Variants in PTPRD observed in about 807,000 individuals in gnomAD.
PTPRD encodes the protein receptor-type tyrosine-protein phosphatase delta.
A neutral mutation model predicts 214.5 loss-of-function variants in PTPRD; 34 were observed. The ratio of observed to expected loss-of-function variants is 0.16; its 90% confidence interval spans 0.12 to 0.21. The LOEUF (loss-of-function observed/expected upper bound fraction) is 0.21, where lower values mean the gene tolerates loss of function less well. Among genes scored for constraint, PTPRD ranks in the 10% least tolerant of loss-of-function variants. PTPRD has a pLI of 1.00. For missense variants in PTPRD, 2,545 were observed against 2,398.7 expected, an observed-to-expected ratio of 1.06 and a Z score of -1.27; for synonymous variants, 1,128 against 845.7, an observed-to-expected ratio of 1.33 and a Z score of -5.79.
At chr9:8,841,459 G>A (rs778735451) in intron 11 of PTPRD, among the ~76,000 whole-genome samples, 10 of 152,106 alleles carry the variant, frequency 6.6e-5, no homozygotes, top group South Asian at 2.1e-4. Flanking sequence ...ATGTTGTGTG[G>A]GGGAAGAGTG....
intron 3 of PTPRD, among the ~76,000 whole-genome samples, chr9:10,164,146 A>T (rs2154291552): frequency 6.6e-6 from 1 of 151,590 alleles, no homozygotes; most frequent in African/African-American, 2.4e-5. Flanking sequence ...TACCTGCACT[A>T]ATATTTAATA....
At chr9:9,810,414 C>A (rs940380201) in intron 5 of PTPRD, among the ~76,000 whole-genome samples, 1 of 151,952 alleles carries the variant, frequency 6.6e-6, no homozygotes, top group African/African-American at 2.4e-5. Context: ...TTGTTAAGGG[C>A]TAATGCAGCT....
intron 9 of PTPRD, among the ~76,000 whole-genome samples, chr9:9,229,637 A>C (rs1404149228): frequency 2.0e-5 from 3 of 152,164 alleles, no homozygotes; most frequent in Non-Finnish European, 2.9e-5. Flanking sequence ...TACATGATGG[A>C]ATGAAACAAC....
At chr9:8,318,072 G>A in intron 45 of PTPRD, 130 bp from the exon 46 acceptor site, 1 of 767,464 alleles carries the variant, frequency 1.3e-6, no homozygotes, top group South Asian at 1.6e-5. Context: ...TTCGTCAACT[G>A]GTCTAATCCA....
chr9:8,986,603 A>G (rs1001231881), intron 11 of PTPRD, among the ~76,000 whole-genome samples: 3 of 152,032 alleles, frequency 2.0e-5, no homozygotes, highest in South Asian at 4.1e-4. Flanking sequence ...TGTTTTGACA[A>G]TTTTTAATAC....
chr9:9,459,809 A>C (rs2093458709), intron 8 of PTPRD, among the ~76,000 whole-genome samples: 1 of 152,128 alleles, frequency 6.6e-6, no homozygotes, highest in African/African-American at 2.4e-5. Flanking sequence ...CTATCAAATA[A>C]CCAATGCCAT....
chr9:9,805,634 C>T (rs538209865), intron 5 of PTPRD, among the ~76,000 whole-genome samples: 2 of 152,008 alleles, frequency 1.3e-5, no homozygotes, highest in African/African-American at 4.8e-5. Context: ...CACTTTTATG[C>T]CTTTATTATT....
intron 21 of PTPRD, among the ~76,000 whole-genome samples, chr9:8,513,745 A>G (rs778996678): frequency 1.2e-4 from 19 of 152,032 alleles, no homozygotes; most frequent in Non-Finnish European, 2.4e-4. Context: ...GCTCGGCATT[A>G]ATTACATCAG....
chr9:9,521,900 G>C (rs1158653675), intron 8 of PTPRD, among the ~76,000 whole-genome samples: 1 of 152,160 alleles, frequency 6.6e-6, no homozygotes, highest in Non-Finnish European at 1.5e-5. Context: ...GCTCACGCCT[G>C]TAATCCTGGC....
chr9:10,286,350 G>A (rs1473648381), intron 3 of PTPRD, among the ~76,000 whole-genome samples: 1 of 152,128 alleles, frequency 6.6e-6, no homozygotes, highest in East Asian at 1.9e-4. Context: ...GTTGAGGCAG[G>A]AGGATTGCTT....
intron 8 of PTPRD, among the ~76,000 whole-genome samples, chr9:9,445,978 GC>G (rs1301597779): frequency 6.6e-6 from 1 of 152,128 alleles, no homozygotes; most frequent in African/African-American, 2.4e-5. Flanking sequence ...ATTTAGGCAA[GC>G]TTTTCCATAA....
At chr9:10,244,973 T>A (rs2091839931) in intron 3 of PTPRD, among the ~76,000 whole-genome samples, 2 of 152,172 alleles carry the variant, frequency 1.3e-5, no homozygotes, top group Non-Finnish European at 2.9e-5. Context: ...CATTTTCCCA[T>A]TTCTTAATCA....
At chr9:9,749,925 C>G (rs2098499823) in intron 6 of PTPRD, among the ~76,000 whole-genome samples, 1 of 152,128 alleles carries the variant, frequency 6.6e-6, no homozygotes, top group Non-Finnish European at 1.5e-5. Context: ...TATTTTTTCA[C>G]TGCCTATATA....
intron 11 of PTPRD, among the ~76,000 whole-genome samples, chr9:8,762,393 G>C (rs935432193): frequency 3.3e-5 from 5 of 152,122 alleles, no homozygotes; most frequent in Non-Finnish European, 5.9e-5. Flanking sequence ...AAAGCATGCA[G>C]AAGTCAGCTA....
intron 5 of PTPRD, among the ~76,000 whole-genome samples, chr9:9,899,618 G>C (rs1466522029): frequency 6.6e-6 from 1 of 151,808 alleles, no homozygotes. Flanking sequence ...AGTTAGTACA[G>C]CTATTATGGA....
At chr9:8,962,676 C>T (rs980051907) in intron 11 of PTPRD, 1 of 151,958 alleles carries the variant, frequency 6.6e-6, no homozygotes, top group African/African-American at 2.4e-5. Flanking sequence ...ACTAAAATTA[C>T]CATATTCTAA....
chr9:8,934,972 C>T (rs2098986713), intron 11 of PTPRD, among the ~76,000 whole-genome samples: 2 of 151,980 alleles, frequency 1.3e-5, no homozygotes, highest in African/African-American at 4.8e-5. Context: ...GAATAATATT[C>T]CACTGTGTGT....
At chr9:10,522,113 C>T (rs80092597) in intron 2 of PTPRD, among the ~76,000 whole-genome samples, 4,124 of 152,158 alleles carry the variant, frequency 0.027, 66 homozygotes, top group Non-Finnish European at 0.044. Flanking sequence ...ACTGGTGGTA[C>T]CTGACTTCAA....
chr9:9,118,817 T>C (rs1024536132), intron 10 of PTPRD, among the ~76,000 whole-genome samples: 2 of 152,176 alleles, frequency 1.3e-5, no homozygotes, highest in African/African-American at 4.8e-5. Flanking sequence ...GTACTTATTC[T>C]ACCTTAAAGT....
Sources: gnomAD v4.1 joint callset for allele counts (sites outside exome capture counted in the v4.1 genomes callset) on GRCh38, gnomAD v4.1.1 for gene constraint, MANE v1.5 for transcripts, NCBI Gene and HGNC (gene_info 2026-07-23, HGNC 2026-07-21) for gene names.